Variants in PRKAR1B observed in about 807,000 individuals in gnomAD.
PRKAR1B encodes the protein cAMP-dependent protein kinase type I-beta regulatory subunit.
Under a neutral mutation model 46.5 loss-of-function variants are expected in PRKAR1B, and 22 were observed. The ratio of observed to expected loss-of-function variants is 0.47; its 90% confidence interval spans 0.34 to 0.68. PRKAR1B has a LOEUF of 0.68. Among genes scored for constraint, PRKAR1B ranks in the 30% least tolerant of loss-of-function variants. The pLI, the probability that PRKAR1B is intolerant of heterozygous loss-of-function variation, is 0.01. For synonymous variants in PRKAR1B, 259 were observed against 217.7 expected (o/e 1.19, Z -1.67); for missense variants, 445 against 535.6 (o/e 0.83, Z 1.67).
At chr7:700,086 A>C (rs1446169662) in intron 2 of PRKAR1B, among the ~76,000 whole-genome samples, 2 of 152,146 alleles carry the variant, frequency 1.3e-5, no homozygotes, top group South Asian at 2.1e-4. Flanking sequence ...AAAGGACAAA[A>C]TGGGGGTCCC....
At position 560,425 on chromosome 7, in the gene PRKAR1B, T is replaced by C. The variant is rs1778714891; in HGVS notation, c.892-8955A>G. Reference sequence around the variant, plus strand: ...TAAAAGAAACTTTGTATCACGACCATAAATGGAAACTGCTATCACTTTCCA... The same window carrying C: ...TAAAAGAAACTTTGTATCACGACCACAAATGGAAACTGCTATCACTTTCCA... On this transcript the variant is annotated intron_variant, in intron 9 of 10. Coordinates refer to ENST00000537384, the MANE Select transcript of PRKAR1B (RefSeq NM_001164760.2). The surrounding 1 kb of genome is among the most constrained non-coding windows in gnomAD (Gnocchi z 4.2). Among the ~76,000 whole-genome samples the C allele has an allele frequency of 1.3e-5, 2 of 151,848 alleles. No individual in the cohort carries two copies. The highest frequency in any genetic ancestry group is 4.1e-4 in the South Asian group (2 of 4,826).
intron 2 of PRKAR1B, among the ~76,000 whole-genome samples, chr7:695,186 C>T (rs1457160724): frequency 6.6e-6 from 1 of 152,160 alleles, no homozygotes; most frequent in Non-Finnish European, 1.5e-5. Context: ...GCTCTGTGAT[C>T]GGCAGGTGCA....
intron 1 of PRKAR1B, among the ~76,000 whole-genome samples, chr7:711,907 C>A (rs1384988449): frequency 1.3e-5 from 2 of 152,052 alleles, no homozygotes; most frequent in Non-Finnish European, 2.9e-5. Flanking sequence ...TCCATCCCCC[C>A]TTTTTGGGGG....
intron 1 of PRKAR1B, chr7:726,696 C>T (rs1358520039): frequency 3.2e-6 from 4 of 1,233,752 alleles, no homozygotes; most frequent in Non-Finnish European, 4.0e-6. Flanking sequence ...CGCTGTTCCC[C>T]TTAGTGACCG....
At chr7:697,750 G>A (rs1374714236) in intron 2 of PRKAR1B, among the ~76,000 whole-genome samples, 1 of 151,688 alleles carries the variant, frequency 6.6e-6, no homozygotes, top group African/African-American at 2.4e-5. Flanking sequence ...TAAAGGATTT[G>A]TTCAGGGGAA....
At chr7:727,834 A>C (rs1459700195), upstream of PRKAR1B, among the ~76,000 whole-genome samples, 12 of 99,824 alleles carry the variant, frequency 1.2e-4, no homozygotes, top group Non-Finnish European at 1.3e-4. Flanking sequence ...CCTCCACCCC[A>C]CCCGGGCCCA....
chr7:711,325 T>G lies in PRKAR1B; in HGVS notation c.177+4A>C. On this transcript the variant is annotated splice_donor_region_variant and intron_variant, in intron 2 of 10. Coordinates refer to ENST00000537384, the MANE Select transcript of PRKAR1B (RefSeq NM_001164760.2). Reference sequence around the variant, plus strand: ...GGAAGCAGCGGGCGGCGGGGGCCACTCACCTTCTCCAGCTTCTCGAAGTGC... The same window carrying G: ...GGAAGCAGCGGGCGGCGGGGGCCACGCACCTTCTCCAGCTTCTCGAAGTGC... 1.2e-6 allele frequency: 2 copies of G among 1,613,974 alleles called. No homozygotes were observed. The highest frequency in any genetic ancestry group is 1.7e-6 in the Non-Finnish European group (2 of 1,179,882).
chr7:583,700 TCA>T (rs1186835782), intron 8 of PRKAR1B, among the ~76,000 whole-genome samples: 5 of 50,770 alleles, frequency 9.8e-5, no homozygotes, highest in South Asian at 6.8e-4. Flanking sequence ...ACTCACACCC[TCA>T]CACACGTGCA....
chr7:647,734 G>C (rs924727352), intron 4 of PRKAR1B, among the ~76,000 whole-genome samples: 1 of 150,592 alleles, frequency 6.6e-6, no homozygotes, highest in Non-Finnish European at 1.5e-5. Context: ...TGAACCTGGG[G>C]GGGCAGAGCC....
At chr7:622,298 G>A (rs374715504) in intron 4 of PRKAR1B, among the ~76,000 whole-genome samples, 4 of 152,202 alleles carry the variant, frequency 2.6e-5, no homozygotes, top group East Asian at 1.9e-4. Context: ...GAAGAGCAGC[G>A]AGGTGAGGGG....
Position 627,718 on chromosome 7 carries a change from C to T in PRKAR1B, c.441-20266G>A, listed in dbSNP as rs532263353. ...CGGGCGCTCTCCATCCAGAGCCCCC[C>T]GCCCAGCTCACGCCCGCCCTCCCCG... On this transcript the variant is annotated intron_variant, in intron 4 of 10. Coordinates refer to ENST00000537384, the MANE Select transcript of PRKAR1B (RefSeq NM_001164760.2). Among the ~76,000 whole-genome samples the T allele has an allele frequency of 9.2e-5, 14 of 152,250 alleles. No homozygotes were observed. In the South Asian group the frequency reaches 2.5e-3, roughly 27 times the overall value.
At chr7:559,482 G>A (rs941381427) in intron 9 of PRKAR1B, among the ~76,000 whole-genome samples, 8 of 152,178 alleles carry the variant, frequency 5.3e-5, no homozygotes, top group South Asian at 2.1e-4. Flanking sequence ...CAGGAGCCCC[G>A]AGTGGTGCAG....
At chr7:665,227 T>C (rs1488975613) in intron 4 of PRKAR1B, among the ~76,000 whole-genome samples, 1 of 152,062 alleles carries the variant, frequency 6.6e-6, no homozygotes, top group Admixed American at 6.5e-5. Context: ...GTTGTTGTCT[T>C]TTCCCGGCAG....
intron 7 of PRKAR1B, 116 bp from the exon 8 acceptor site, chr7:584,684 T>G: frequency 1.1e-6 from 1 of 887,000 alleles, no homozygotes. Context: ...CCTCCAAGCA[T>G]TCCAAGTCCC....
Position 719,909 on chromosome 7 carries a change from T to C in PRKAR1B, c.-23+7301A>G, listed in dbSNP as rs117298685. 5.6e-4 allele frequency among the ~76,000 whole-genome samples: 85 copies of C among 152,328 alleles called. 2 individuals carry two copies. The East Asian group carries it at 0.014, about 25-fold the overall frequency. ...ATTGGTTTTCATCTGCATAATCTTT[T>C]AGAGGTTCGTCCAAGTTGCGTGCAG... On this transcript the variant is annotated intron_variant, in intron 1 of 10. Coordinates refer to ENST00000537384, the MANE Select transcript of PRKAR1B (RefSeq NM_001164760.2).
intron 4 of PRKAR1B, among the ~76,000 whole-genome samples, chr7:638,637 C>A (rs565826022): frequency 6.2e-4 from 95 of 152,272 alleles, no homozygotes; most frequent in African/African-American, 2.1e-3. Context: ...GAAACATTTA[C>A]GAGAAGACGG....
chr7:604,732 T>C (rs1405660693), intron 6 of PRKAR1B, among the ~76,000 whole-genome samples: 2 of 152,108 alleles, frequency 1.3e-5, no homozygotes, highest in African/African-American at 2.4e-5. Context: ...CAGAATAGCG[T>C]GGCCGGGACA....
intron 4 of PRKAR1B, among the ~76,000 whole-genome samples, chr7:660,699 C>T (rs1191119514): frequency 1.5e-5 from 2 of 131,766 alleles, no homozygotes; most frequent in Admixed American, 7.5e-5. Flanking sequence ...CCCAACAAAT[C>T]CAAATACCTA....
chr7:658,976 C>T (rs555274917), intron 4 of PRKAR1B, among the ~76,000 whole-genome samples: 9 of 152,238 alleles, frequency 5.9e-5, no homozygotes, highest in Admixed American at 1.3e-4. Context: ...AATATTATCT[C>T]GCAGTCATTT....
Sources: gnomAD v4.1 joint callset for allele counts (sites outside exome capture counted in the v4.1 genomes callset) on GRCh38, gnomAD v4.1.1 for gene constraint, Gnocchi (gnomAD v3.1) non-coding constraint, MANE v1.5 for transcripts, NCBI Gene and HGNC (gene_info 2026-07-23, HGNC 2026-07-21) for gene names.